The following IL1RAPL1 variants were observed in gnomAD, a reference collection of about 807,000 sequenced individuals.
IL1RAPL1 encodes interleukin-1 receptor accessory protein-like 1.
A neutral mutation model predicts 48.4 loss-of-function variants in IL1RAPL1; 3 were observed. The ratio of observed to expected loss-of-function variants is 0.06; its 90% CI spans 0.03 to 0.16. The LOEUF (loss-of-function observed/expected upper bound fraction) is 0.16. IL1RAPL1 is among the 10% of genes least tolerant of loss of function. The probability of loss-of-function intolerance (pLI) is 1.00; values close to 1 mark genes in which losing one functional copy is unlikely to be tolerated. For synonymous variants in IL1RAPL1, 185 were observed against 187.7 expected (o/e 0.99, Z 0.12); for missense variants, 349 against 530.6 (o/e 0.66, Z 3.36).
At chrX:29,342,109 GTT>G (rs371110401) in intron 3 of IL1RAPL1, among the ~76,000 whole-genome samples, 3 of 81,079 alleles carry the variant, frequency 3.7e-5, no homozygotes, top group African/African-American at 1.3e-4. Context: ...ACACGGCCTT[GTT>G]TTGTGTGTGT....
chrX:28,643,034 G>A (rs1419857229), intron 1 of IL1RAPL1, among the ~76,000 whole-genome samples: 4 of 110,755 alleles, frequency 3.6e-5, no homozygotes, highest in African/African-American at 9.9e-5. Context: ...GATTACAGGC[G>A]TGTGCCACCA....
rs1386740200 is a variant in IL1RAPL1, at chrX:29,954,616, A to G, written c.1296A>G (p.Glu432=). ...ETGEEERFAL[E]ILPDMLEKHY... ...GGGAAGAAGAACGTTTTGCCCTTGA[A>G]ATCCTACCTGATATGCTTGAAAAGC... The change falls in exon 10 of 11, where the codon GAA becomes GAG. Residue 432 remains glutamate, a synonymous_variant. Coordinates refer to ENST00000378993, the MANE Select transcript of IL1RAPL1 (RefSeq NM_014271.4). 11 of 1,201,991 alleles carry G rather than the reference A, an allele frequency of 9.2e-6. No individual in the cohort carries two copies. Among genetic ancestry groups the G allele is most frequent in the African/African-American group, 1.7e-5 (1 of 57,645 alleles).
At chrX:29,311,670 A>G (rs1340979352) in intron 3 of IL1RAPL1, among the ~76,000 whole-genome samples, 1 of 112,228 alleles carries the variant, frequency 8.9e-6, no homozygotes, top group Non-Finnish European at 1.9e-5. Context: ...ACTGGACAAC[A>G]TAGCTCCAAA....
intron 1 of IL1RAPL1, among the ~76,000 whole-genome samples, chrX:28,732,717 A>G (rs1935770793): frequency 9.0e-6 from 1 of 110,812 alleles, no homozygotes; most frequent in East Asian, 2.8e-4. Flanking sequence ...AAAAATACAA[A>G]AATTAGCTGG....
chrX:29,016,613 T>G (rs1416587336), intron 2 of IL1RAPL1, among the ~76,000 whole-genome samples: 1 of 111,261 alleles, frequency 9.0e-6, no homozygotes, highest in Non-Finnish European at 1.9e-5. Context: ...TTGTGAATGA[T>G]TGGTTCTTTC....
intron 5 of IL1RAPL1, among the ~76,000 whole-genome samples, chrX:29,493,647 T>C (rs1935181829): frequency 9.0e-6 from 1 of 111,672 alleles, no homozygotes; most frequent in African/African-American, 3.3e-5. Context: ...AATGTGCACT[T>C]ATAGGTTAAA....
At chrX:29,367,658 G>A (rs1330465697) in intron 3 of IL1RAPL1, among the ~76,000 whole-genome samples, 2 of 108,284 alleles carry the variant, frequency 1.8e-5, no homozygotes, top group East Asian at 5.7e-4. Flanking sequence ...TTGGCTCAGT[G>A]CAACCTCTGC....
intron 5 of IL1RAPL1, among the ~76,000 whole-genome samples, chrX:29,655,651 C>CAAA (rs746998144): frequency 4.1e-4 from 11 of 26,709 alleles, no homozygotes; most frequent in Middle Eastern, 0.02. Flanking sequence ...TGACAGTCTC[C>CAAA]AAAAAAAAAA....
chrX:28,834,966 A>G (rs781092564), intron 2 of IL1RAPL1, among the ~76,000 whole-genome samples: 1 of 111,571 alleles, frequency 9.0e-6, no homozygotes, highest in Non-Finnish European at 1.9e-5. Context: ...TAATCTATGT[A>G]AAGATTAGCA....
At chrX:29,266,376 A>T (rs926139386) in intron 2 of IL1RAPL1, among the ~76,000 whole-genome samples, 1 of 112,092 alleles carries the variant, frequency 8.9e-6, no homozygotes, top group African/African-American at 3.2e-5. Context: ...TTCATTAGGA[A>T]CAAAGGTCAA....
Position 29,154,711 on chromosome X carries a change from C to T in IL1RAPL1, c.83-128227C>T, listed in dbSNP as rs570493483. The stretch of plus-strand genomic sequence containing the variant: ...AAAATGATTAAGCCCGATTTTTCAA[C>T]CAAAGAGATTATGACTTAAAGTGTT... On this transcript the variant is annotated intron_variant, in intron 2 of 10. Coordinates refer to ENST00000378993, the MANE Select transcript of IL1RAPL1 (RefSeq NM_014271.4). 6.3e-5 allele frequency among the ~76,000 whole-genome samples: 7 copies of T among 111,292 alleles called. No homozygotes were observed. The South Asian group carries it at 2.6e-3, about 42-fold the overall frequency.
chrX:29,621,729 G>A (rs141367084), intron 5 of IL1RAPL1, among the ~76,000 whole-genome samples: 3,477 of 111,321 alleles, frequency 0.031, 128 homozygotes, highest in African/African-American at 0.11. Context: ...TAGCATAATT[G>A]GAATATCTGT....
chrX:29,434,928 T>C (rs768908590), intron 5 of IL1RAPL1, among the ~76,000 whole-genome samples: 2 of 110,956 alleles, frequency 1.8e-5, no homozygotes, highest in Admixed American at 9.6e-5. Flanking sequence ...TTCTAGAACA[T>C]TTCCATTACT....
In IL1RAPL1 at chrX:29,055,279, G is replaced by A. The variant is rs149960497; in HGVS notation, c.83-227659G>A. Reference sequence around the variant, plus strand: ...ATTTTACTTGTAGTTTTGATGTCTTGCTTTGTTTTTACCTATGAAGTCTAA... The same window carrying A: ...ATTTTACTTGTAGTTTTGATGTCTTACTTTGTTTTTACCTATGAAGTCTAA... On this transcript the variant is annotated intron_variant, in intron 2 of 10. Coordinates refer to ENST00000378993, the MANE Select transcript of IL1RAPL1 (RefSeq NM_014271.4). 6.4e-3 allele frequency among the ~76,000 whole-genome samples: 705 copies of A among 110,704 alleles called. 6 individuals are homozygous for A. Among genetic ancestry groups the A allele is most frequent in the African/African-American group, 0.019 (578 of 30,516 alleles).
intron 3 of IL1RAPL1, among the ~76,000 whole-genome samples, chrX:29,379,498 G>A (rs1037187245): frequency 2.7e-5 from 3 of 111,845 alleles, no homozygotes; most frequent in Non-Finnish European, 5.6e-5. Flanking sequence ...ACCAGCTGAA[G>A]CGTTGTCTCT....
At chrX:29,483,999 TC>T (rs1935069138) in intron 5 of IL1RAPL1, among the ~76,000 whole-genome samples, 1 of 72,788 alleles carries the variant, frequency 1.4e-5, no homozygotes, top group Non-Finnish European at 2.6e-5. Flanking sequence ...GGCCCAGTAG[TC>T]CATTAAAAAA....
chrX:29,319,364 A>ATTTTATTTTTTTTTTTTTT (rs1932786159), intron 3 of IL1RAPL1, among the ~76,000 whole-genome samples: 1 of 58,137 alleles, frequency 1.7e-5, no homozygotes, highest in Non-Finnish European at 3.1e-5. Flanking sequence ...GATAAATTTA[A>ATTTTATTTTTTTTTTTTTT]TTTTTTTTTT....
intron 2 of IL1RAPL1, among the ~76,000 whole-genome samples, chrX:29,057,638 A>G (rs1231858171): frequency 9.0e-6 from 1 of 110,811 alleles, no homozygotes; most frequent in East Asian, 2.9e-4. Flanking sequence ...CATGTTGGCC[A>G]GGCTGGTCTC....
At chrX:29,222,772 G>A (rs1931007319) in intron 2 of IL1RAPL1, among the ~76,000 whole-genome samples, 1 of 111,377 alleles carries the variant, frequency 9.0e-6, no homozygotes, top group Non-Finnish European at 1.9e-5. Context: ...CCCCGGTGAA[G>A]ATGGTGTCTT....
Sources: gnomAD v4.1 joint callset for allele counts (sites outside exome capture counted in the v4.1 genomes callset) on GRCh38, gnomAD v4.1.1 for gene constraint, MANE v1.5 for transcripts, NCBI Gene and HGNC (gene_info 2026-07-23, HGNC 2026-07-21) for gene names.